Variants in RARB observed in about 807,000 individuals in gnomAD.
RARB encodes the protein HBV-activated protein.
In RARB, 17 loss-of-function variants were observed where a neutral mutation model predicts 51.9. The ratio of observed to expected loss-of-function variants is 0.33; its 90% CI spans 0.22 to 0.49. RARB has a LOEUF of 0.49. Ranked by LOEUF, RARB falls within the 20% of genes least tolerant of loss-of-function variation. The pLI is 0.99. For synonymous variants in RARB, 215 were observed against 195.4 expected (o/e 1.10, Z -0.84); for missense variants, 369 against 550.8 (o/e 0.67, Z 3.30).
chr3:25,212,359 C>A (rs1428240243), intron 5 of RARB, among the ~76,000 whole-genome samples: 2 of 152,192 alleles, frequency 1.3e-5, no homozygotes, highest in Admixed American at 6.5e-5. Context: ...GTGGCTCACG[C>A]CCATAATCCC....
intron 5 of RARB, among the ~76,000 whole-genome samples, chr3:25,346,864 A>G (rs527734681): frequency 2.7e-4 from 41 of 152,342 alleles, no homozygotes; most frequent in African/African-American, 9.6e-4. Flanking sequence ...ACCCTGTGCC[A>G]GGCCCCCAAA....
intron 5 of RARB, among the ~76,000 whole-genome samples, chr3:25,245,511 T>G (rs1702537032): frequency 6.6e-6 from 1 of 152,196 alleles, no homozygotes; most frequent in South Asian, 2.1e-4. Context: ...GGTGACAAAA[T>G]CCTTCAGCAT....
chr3:24,927,043 C>T (rs1035129681), intron 2 of RARB, among the ~76,000 whole-genome samples: 10 of 152,052 alleles, frequency 6.6e-5, no homozygotes, highest in Non-Finnish European at 2.9e-5. Flanking sequence ...TGTCATCTAT[C>T]CCTAGTTAGT....
At chr3:25,093,661 T>G (rs1699242203) in intron 3 of RARB, among the ~76,000 whole-genome samples, 1 of 151,990 alleles carries the variant, frequency 6.6e-6, no homozygotes, top group Non-Finnish European at 1.5e-5. Context: ...ATAATATCCT[T>G]GTTGTAGAAT....
In RARB at chr3:24,852,244, T is replaced by A. The variant is rs140212870; in HGVS notation, c.-458-6430T>A. On this transcript the variant is annotated intron_variant, in intron 1 of 11. Transcript: ENST00000383772. The stretch of plus-strand genomic sequence containing the variant: ...TTGCGGGACGAATCTGAAAGCACCA[T>A]TTCGCACATTTCAACATTAAGAGTG... Among the ~76,000 whole-genome samples, 165 of 152,310 alleles carry A rather than the reference T, an allele frequency of 1.1e-3. 1 individual carries two copies. The highest frequency in any genetic ancestry group is 3.8e-3 in the African/African-American group (157 of 41,562).
At chr3:25,316,266 A>G (rs1488449406) in intron 5 of RARB, among the ~76,000 whole-genome samples, 1 of 152,136 alleles carries the variant, frequency 6.6e-6, no homozygotes, top group East Asian at 1.9e-4. Context: ...ATTTTTCTCC[A>G]TAATTGACAG....
intron 2 of RARB, among the ~76,000 whole-genome samples, chr3:24,870,814 A>G (rs997725984): frequency 1.3e-5 from 2 of 152,134 alleles, no homozygotes; most frequent in Non-Finnish European, 2.9e-5. Flanking sequence ...TAGGCATACA[A>G]TGTGTGATAA....
chr3:25,280,105 C>T (rs1489730734), intron 5 of RARB, among the ~76,000 whole-genome samples: 3 of 151,996 alleles, frequency 2.0e-5, no homozygotes, highest in Non-Finnish European at 2.9e-5. Context: ...GAAATGAAGA[C>T]CCAAAGAAAC....
intron 2 of RARB, among the ~76,000 whole-genome samples, chr3:25,037,852 G>T (rs1213779566): frequency 6.6e-6 from 1 of 152,114 alleles, no homozygotes; most frequent in African/African-American, 2.4e-5. Context: ...TGAAGGATCT[G>T]CAAAGACTTC....
intron 2 of RARB, among the ~76,000 whole-genome samples, chr3:24,939,154 T>C (rs1475242703): frequency 6.6e-6 from 1 of 152,162 alleles, no homozygotes; most frequent in Non-Finnish European, 1.5e-5. Context: ...GGCTAATTGT[T>C]TGTATTTTTA....
intron 4 of RARB, among the ~76,000 whole-genome samples, chr3:25,170,503 C>G (rs1700626450): frequency 6.6e-6 from 1 of 151,986 alleles, no homozygotes; most frequent in Non-Finnish European, 1.5e-5. Context: ...GCTGATGTTG[C>G]CAGCTGAGGG....
intron 2 of RARB, among the ~76,000 whole-genome samples, chr3:25,016,927 T>C (rs983648523): frequency 6.6e-6 from 1 of 152,190 alleles, no homozygotes; most frequent in Non-Finnish European, 1.5e-5. Flanking sequence ...TTCTGAGGAA[T>C]GTCCATTTTA....
At chr3:25,513,484 T>C (rs979493247) in intron 3 of RARB, among the ~76,000 whole-genome samples, 1 of 152,156 alleles carries the variant, frequency 6.6e-6, no homozygotes, top group African/African-American at 2.4e-5. Context: ...GTCTTATTGA[T>C]ATCATGAGCC....
chr3:25,356,462 A>G (rs1705737414), intron 5 of RARB, among the ~76,000 whole-genome samples: 1 of 152,052 alleles, frequency 6.6e-6, no homozygotes, highest in African/African-American at 2.4e-5. Context: ...ATCTTTGATA[A>G]TCTTTAATAA....
At chr3:25,365,117 C>A (rs1706072223) in intron 5 of RARB, among the ~76,000 whole-genome samples, 1 of 151,744 alleles carries the variant, frequency 6.6e-6, no homozygotes, top group African/African-American at 2.4e-5. Context: ...AAAATGAGAC[C>A]ATTCTGGGCT....
intron 3 of RARB, among the ~76,000 whole-genome samples, chr3:25,128,506 T>C (rs894992178): frequency 3.3e-5 from 5 of 150,110 alleles, no homozygotes; most frequent in African/African-American, 1.2e-4. Flanking sequence ...TATACTAAAA[T>C]ATATTTATCA....
intron 5 of RARB, among the ~76,000 whole-genome samples, chr3:25,221,214 A>G (rs1039062202): frequency 2.0e-5 from 3 of 152,214 alleles, no homozygotes; most frequent in Non-Finnish European, 4.4e-5. Flanking sequence ...AACACTGAAC[A>G]TAAAATTCCC....
At chr3:25,232,959 C>A (rs1413688820) in intron 5 of RARB, among the ~76,000 whole-genome samples, 1 of 149,166 alleles carries the variant, frequency 6.7e-6, no homozygotes, top group East Asian at 2.0e-4. Context: ...GTATTAAATG[C>A]CTTTTTTCTT....
chr3:25,147,791 C>T (rs996368987), intron 4 of RARB, among the ~76,000 whole-genome samples: 4 of 152,220 alleles, frequency 2.6e-5, no homozygotes, highest in Non-Finnish European at 5.9e-5. Context: ...GGACATGTGA[C>T]ATGGTTCTAG....
Sources: gnomAD v4.1 joint callset for allele counts (sites outside exome capture counted in the v4.1 genomes callset) on GRCh38, gnomAD v4.1.1 for gene constraint, MANE v1.5 for transcripts, NCBI Gene and HGNC (gene_info 2026-07-23, HGNC 2026-07-21) for gene names.